CDYL: variants seen among roughly 807,000 people sequenced by gnomAD.
The protein encoded by CDYL is chromodomain Y-like protein.
Under a neutral mutation model 47.3 loss-of-function variants are expected in CDYL, and 8 were observed. The observed-to-expected ratio is 0.17, with a 90% confidence interval of 0.10 to 0.31. The LOEUF is 0.31. CDYL is among the 10% of genes least tolerant of loss of function. The pLI is 1.00. For missense variants in CDYL, 471 were observed against 701.4 expected (o/e 0.67, Z 3.71); for synonymous variants, 266 against 265.0 (o/e 1.00, Z -0.04).
At chr6:4,900,798 T>C (rs1347538123) in intron 2 of CDYL, among the ~76,000 whole-genome samples, 2 of 80,574 alleles carry the variant, frequency 2.5e-5, no homozygotes, top group African/African-American at 1.1e-4. Flanking sequence ...TATATATATA[T>C]ATATATATAT....
intron 3 of CDYL, among the ~76,000 whole-genome samples, chr6:4,754,385 C>A (rs1350321289): frequency 6.6e-6 from 1 of 152,162 alleles, no homozygotes; most frequent in African/African-American, 2.4e-5. Context: ...TTTGTAAGAT[C>A]TCTTAAATTT....
At chr6:4,841,371 AT>A (rs1760483861) in intron 1 of CDYL, among the ~76,000 whole-genome samples, 1 of 151,556 alleles carries the variant, frequency 6.6e-6, no homozygotes, top group Non-Finnish European at 1.5e-5. Flanking sequence ...TACCTTTTGT[AT>A]TTATTTTTTG....
At position 4,853,266 on chromosome 6, in the gene CDYL, A is replaced by G. The variant is rs935451961; in HGVS notation, c.25-38447A>G. 4.6e-5 allele frequency among the ~76,000 whole-genome samples: 7 copies of G among 152,228 alleles called. No individual in the cohort carries two copies. In the East Asian group the frequency reaches 1.2e-3, roughly 25 times the overall value. ...TGGTTTGTACTTTAAAAGAATTACC[A>G]CATTCAGTTCTCATAACAACCGCGA... On this transcript the variant is annotated intron_variant, in intron 1 of 6. Coordinates refer to ENST00000397588, the MANE Select transcript of CDYL (RefSeq NM_004824.4).
At chr6:4,852,712 T>G (rs1760888181) in intron 1 of CDYL, among the ~76,000 whole-genome samples, 1 of 152,142 alleles carries the variant, frequency 6.6e-6, no homozygotes, top group Non-Finnish European at 1.5e-5. Flanking sequence ...CATTGTGGGT[T>G]TGTGATTTTT....
intron 1 of CDYL, among the ~76,000 whole-genome samples, chr6:4,884,207 A>C (rs1761840829): frequency 1.3e-5 from 2 of 152,232 alleles, no homozygotes; most frequent in Non-Finnish European, 1.5e-5. Context: ...CAGTGGCCCC[A>C]ACCAAAAGGA....
chr6:4,791,454 C>A (rs992119313), intron 1 of CDYL, among the ~76,000 whole-genome samples: 1 of 152,142 alleles, frequency 6.6e-6, no homozygotes, highest in Non-Finnish European at 1.5e-5. Context: ...AGATTTGGCA[C>A]CATAGAGCAT....
chr6:4,784,656 C>T (rs975222472), intron 1 of CDYL, among the ~76,000 whole-genome samples: 30 of 152,198 alleles, frequency 2.0e-4, no homozygotes, highest in Admixed American at 1.1e-3. Context: ...TTTGGTCTTA[C>T]GATGGTGGTC....
chr6:4,878,012 C>A (rs1445981167), intron 1 of CDYL, among the ~76,000 whole-genome samples: 1 of 152,090 alleles, frequency 6.6e-6, no homozygotes, highest in Non-Finnish European at 1.5e-5. Flanking sequence ...TATTTTATTG[C>A]ATCTATTGAA....
chr6:4,946,330 T>C (rs985920382), intron 5 of CDYL, among the ~76,000 whole-genome samples: 2 of 152,186 alleles, frequency 1.3e-5, no homozygotes, highest in African/African-American at 2.4e-5. Flanking sequence ...GCTAGTGTTA[T>C]TCTAACCTTG....
At chr6:4,739,856 G>C (rs1757765778) in intron 3 of CDYL, among the ~76,000 whole-genome samples, 1 of 151,996 alleles carries the variant, frequency 6.6e-6, no homozygotes, top group South Asian at 2.1e-4. Flanking sequence ...GGGAGGCTGA[G>C]ACAGGAGAAT....
At chr6:4,839,929 A>G (rs1192054726) in intron 1 of CDYL, among the ~76,000 whole-genome samples, 1 of 151,948 alleles carries the variant, frequency 6.6e-6, no homozygotes, top group African/African-American at 2.4e-5. Flanking sequence ...TATGAATTTT[A>G]GGATTTTTTT....
chr6:4,738,488 A>G (rs11753416), intron 3 of CDYL, among the ~76,000 whole-genome samples: 3,407 of 152,360 alleles, frequency 0.022, 54 homozygotes, highest in South Asian at 0.06. Flanking sequence ...AAATCATTTC[A>G]CTTTCCCATA....
chr6:4,914,478 T>G (rs1253192822), intron 2 of CDYL, among the ~76,000 whole-genome samples: 2 of 152,210 alleles, frequency 1.3e-5, no homozygotes, highest in African/African-American at 2.4e-5. Context: ...ATTATCTGTC[T>G]CTTGTGTTCT....
chr6:4,907,160 A>G (rs1757264114), intron 2 of CDYL, among the ~76,000 whole-genome samples: 1 of 152,216 alleles, frequency 6.6e-6, no homozygotes, highest in South Asian at 2.1e-4. Flanking sequence ...CAAGTGAGTC[A>G]GGGGTGCACC....
chr6:4,842,841 C>G (rs1760541572), intron 1 of CDYL, among the ~76,000 whole-genome samples: 1 of 150,956 alleles, frequency 6.6e-6, no homozygotes. Context: ...GTTTTTTTTT[C>G]CATTATGTTA....
chr6:4,939,856 C>G (rs2127522767), intron 4 of CDYL, among the ~76,000 whole-genome samples: 1 of 152,332 alleles, frequency 6.6e-6, no homozygotes, highest in Non-Finnish European at 1.5e-5. Flanking sequence ...TGAATGTACA[C>G]ATAATATTGT....
intron 2 of CDYL, among the ~76,000 whole-genome samples, chr6:4,911,780 C>T (rs1043802549): frequency 6.6e-6 from 1 of 152,166 alleles, no homozygotes; most frequent in African/African-American, 2.4e-5. Flanking sequence ...TCAAATTTCA[C>T]CTTCCAGTAA....
chr6:4,831,804 T>A (rs1252764974), intron 1 of CDYL, among the ~76,000 whole-genome samples: 5 of 152,230 alleles, frequency 3.3e-5, no homozygotes, highest in African/African-American at 4.8e-5. Context: ...CGTTGTAAGG[T>A]GGATTCCTAA....
intron 6 of CDYL, among the ~76,000 whole-genome samples, chr6:4,953,620 C>T (rs762573446): frequency 2.0e-5 from 3 of 152,160 alleles, no homozygotes; most frequent in Non-Finnish European, 2.9e-5. Context: ...CGCCAGTATG[C>T]GGCAGTGGCG....
Sources: gnomAD v4.1 joint callset for allele counts (sites outside exome capture counted in the v4.1 genomes callset) on GRCh38, gnomAD v4.1.1 for gene constraint, MANE v1.5 for transcripts, NCBI Gene and HGNC (gene_info 2026-07-23, HGNC 2026-07-21) for gene names.